The following ATCAY variants were observed in gnomAD, a reference collection of about 807,000 sequenced individuals.
The protein encoded by ATCAY is ATCAY kinesin light chain interacting caytaxin, also known as caytaxin.
Under a neutral mutation model 47.7 loss-of-function variants are expected in ATCAY, and 22 were observed. That is an observed-to-expected ratio of 0.46 (90% CI 0.33 to 0.66). ATCAY has a LOEUF of 0.66. Among genes scored for constraint, ATCAY ranks in the 30% least tolerant of loss-of-function variants. ATCAY has a pLI of 0.02. For missense variants in ATCAY, 452 were observed against 515.0 expected, an observed-to-expected ratio of 0.88 and a Z score of 1.18; for synonymous variants, 216 against 207.6, an observed-to-expected ratio of 1.04 and a Z score of -0.35.
At chr19:3,915,782 C>T (rs189028146) in intron 9 of ATCAY, among the ~76,000 whole-genome samples, 21 of 142,976 alleles carry the variant, frequency 1.5e-4, no homozygotes, top group African/African-American at 4.9e-4. Context: ...CTCGAACTCC[C>T]GACCTCAGGT....
chr19:3,884,266 G>A (rs1311929508), intron 1 of ATCAY, among the ~76,000 whole-genome samples: 6 of 151,402 alleles, frequency 4.0e-5, no homozygotes, highest in African/African-American at 1.2e-4. Flanking sequence ...CAGCCTGGGC[G>A]ACAGAGCAAG....
rs1387693804 is a variant in ATCAY, at chr19:3,885,729, G to A, written c.-39G>A. 1 of 1,534,900 alleles carries A rather than the reference G, an allele frequency of 6.5e-7. No individual in the cohort carries two copies. Among genetic ancestry groups the A allele is most frequent in the African/African-American group, 1.4e-5 (1 of 72,524 alleles). ...ATTCCTCTGCGGCTTCCTTTCAGGG[G>A]TCATCCCTGCTTCAAGCCAGTGCCT... On this transcript the variant is annotated splice_region_variant and 5_prime_UTR_variant, in exon 2 of 13. Transcript: ENST00000450849.
chr19:3,890,921 T>G (rs995232779), intron 2 of ATCAY, among the ~76,000 whole-genome samples: 52 of 152,206 alleles, frequency 3.4e-4, no homozygotes, highest in Non-Finnish European at 5.7e-4. Context: ...CACCTCTGTC[T>G]GCCGCAAAAC....
chr19:3,909,710 C>A, intron 7 of ATCAY, 93 bp downstream of exon 7: 1 of 1,505,534 alleles, frequency 6.6e-7, no homozygotes. Context: ...CCCAGCACTT[C>A]GGGAGGCTGA....
At chr19:3,893,947 T>G (rs1012016197) in intron 2 of ATCAY, among the ~76,000 whole-genome samples, 1 of 151,106 alleles carries the variant, frequency 6.6e-6, no homozygotes, top group Non-Finnish European at 1.5e-5. Flanking sequence ...GCCCTTGAAC[T>G]TGGCAAGCTT....
At chr19:3,919,978 C>T (rs896585970) in intron 11 of ATCAY, among the ~76,000 whole-genome samples, 7 of 152,236 alleles carry the variant, frequency 4.6e-5, no homozygotes, top group East Asian at 3.9e-4. Flanking sequence ...AGCAGATGCA[C>T]GCTGACATCT....
chr19:3,893,579 C>G (rs575842534), intron 2 of ATCAY: 18 of 152,280 alleles, frequency 1.2e-4, no homozygotes, highest in African/African-American at 4.3e-4. Context: ...CGGAGGGGAT[C>G]TCCAAGTCTG....
intron 8 of ATCAY, 95 bp from the exon 9 acceptor site, chr19:3,913,663 G>A (rs1426524943): frequency 1.3e-5 from 12 of 903,552 alleles, no homozygotes. Context: ...GTGGGGTCCT[G>A]TGGGGATCCC....
chr19:3,905,689 G>GGGGCCCCCCCCCCCC, intron 4 of ATCAY, 34 bp downstream of exon 4: 1 of 1,556,780 alleles, frequency 6.4e-7, no homozygotes, highest in Non-Finnish European at 8.8e-7. Flanking sequence ...GCCTGCTGGA[G>GGGGCCCCCCCCCCCC]CCCACCCCCC....
At chr19:3,921,935 G>A (rs1271391153) in intron 12 of ATCAY, among the ~76,000 whole-genome samples, 1 of 151,846 alleles carries the variant, frequency 6.6e-6, no homozygotes, top group African/African-American at 2.4e-5. Flanking sequence ...TTAACAAAAG[G>A]AAGAGGTGCA....
intron 2 of ATCAY, among the ~76,000 whole-genome samples, chr19:3,888,578 C>T (rs986356685): frequency 5.9e-5 from 9 of 151,936 alleles, no homozygotes; most frequent in African/African-American, 2.2e-4. Flanking sequence ...TGCAGTGAGC[C>T]GAGATCGCGC....
chr19:3,901,732 C>G (rs2038817763), intron 2 of ATCAY, among the ~76,000 whole-genome samples: 1 of 152,184 alleles, frequency 6.6e-6, no homozygotes, highest in Admixed American at 6.6e-5. Flanking sequence ...CGCGGTGGCT[C>G]ATGCCTGTAA....
In ATCAY at chr19:3,881,384, G is replaced by GAAAA. The variant is rs397946296; in HGVS notation, c.-42+391_-42+394dup. 3.8e-3 allele frequency among the ~76,000 whole-genome samples: 492 copies of GAAAA among 130,298 alleles called. 4 individuals carry two copies. The highest frequency in any genetic ancestry group is 0.014 in the African/African-American group (463 of 34,206). The allele number at this position is 130,298 out of a possible 152,430, so 85.5% of individuals were successfully genotyped here. A position where few individuals can be genotyped will look rare whatever the true frequency, so the allele number is the denominator to read the frequency against. On this transcript the variant is annotated intron_variant, in intron 1 of 12. Transcript: ENST00000450849. ...GAAGGCCACCAGCCGACGATTTCGG[G>GAAAA]AAAAAAAAAAAAAAAAAATCTAAGT...
At chr19:3,887,654 T>A (rs1189851910) in intron 2 of ATCAY, among the ~76,000 whole-genome samples, 1 of 148,726 alleles carries the variant, frequency 6.7e-6, no homozygotes, top group African/African-American at 2.4e-5. Context: ...GCCCGGCTAA[T>A]TTTTTGTATT....
chr19:3,886,578 G>A (rs2038658428), intron 2 of ATCAY, among the ~76,000 whole-genome samples: 1 of 146,702 alleles, frequency 6.8e-6, no homozygotes, highest in South Asian at 2.2e-4. Context: ...CGACAGGTGA[G>A]ACTCCATCTC....
At chr19:3,881,408 G>C (rs919565889) in intron 1 of ATCAY, among the ~76,000 whole-genome samples, 15 of 146,282 alleles carry the variant, frequency 1.0e-4, no homozygotes, top group Admixed American at 9.7e-4. Context: ...AAAAATCTAA[G>C]TGTGTCGATA....
chr19:3,915,183 A>T (rs1000349615), intron 9 of ATCAY, among the ~76,000 whole-genome samples: 5 of 151,626 alleles, frequency 3.3e-5, no homozygotes, highest in South Asian at 4.2e-4. Flanking sequence ...TTATTTATTT[A>T]TTTTTTGAGA....
At chr19:3,891,672 T>G (rs1233639197) in intron 2 of ATCAY, among the ~76,000 whole-genome samples, 2 of 151,368 alleles carry the variant, frequency 1.3e-5, no homozygotes, top group African/African-American at 4.9e-5. Context: ...GGCTCTGGGC[T>G]CAGTGGAAGC....
intron 2 of ATCAY, among the ~76,000 whole-genome samples, chr19:3,893,394 G>C (rs1420519660): frequency 2.0e-5 from 3 of 152,090 alleles, no homozygotes; most frequent in African/African-American, 4.8e-5. Context: ...TGGCCAGGCT[G>C]GTCTTGATCG....
Sources: gnomAD v4.1 joint callset for allele counts (sites outside exome capture counted in the v4.1 genomes callset) on GRCh38, gnomAD v4.1.1 for gene constraint, MANE v1.5 for transcripts, NCBI Gene and HGNC (gene_info 2026-07-23, HGNC 2026-07-21) for gene names.